The following MIGA2 variants were observed in gnomAD, a reference collection of about 807,000 sequenced individuals.
MIGA2 encodes family with sequence similarity 73, member B.
Under a neutral mutation model 69.9 loss-of-function variants are expected in MIGA2, and 36 were observed. The observed-to-expected ratio is 0.52, with a 90% CI of 0.39 to 0.68. The LOEUF (loss-of-function observed/expected upper bound fraction) is 0.68, where lower values mean the gene tolerates loss of function less well. Among genes scored for constraint, MIGA2 ranks in the 30% least tolerant of loss-of-function variants. MIGA2 has a pLI of 0.00. For missense variants in MIGA2, 660 were observed against 787.7 expected (o/e 0.84, Z 1.94); for synonymous variants, 333 against 349.2 (o/e 0.95, Z 0.52).
chr9:129,050,046 G>C, intron 6 of MIGA2, 83 bp downstream of exon 6: 1 of 1,510,410 alleles, frequency 6.6e-7, no homozygotes. Context: ...TGGGAGGCAG[G>C]CAGTCTCCTG....
rs1208399863 is a variant in MIGA2 at position 129,068,609 on chromosome 9, T to C, written c.1404+277T>C. 1.5e-5 allele frequency: 7 copies of C among 477,136 alleles called. No individual in the cohort carries two copies. Among genetic ancestry groups the C allele is most frequent in the Non-Finnish European group, 1.9e-5 (5 of 264,360 alleles). The allele number at this position is 477,136 out of a possible 1,614,324, so 29.6% of individuals were successfully genotyped here. On this transcript the variant is annotated intron_variant, in intron 13 of 15. Coordinates refer to ENST00000684074, the MANE Select transcript of MIGA2 (RefSeq NM_001329990.2). The surrounding 1 kb of genome is among the most constrained non-coding windows in gnomAD (Gnocchi z 4.1). Reference sequence around the variant, plus strand: ...TGGTATGAATTCGATTCCATTTTAATGCATCCTGTTAAATCAAGTTAAAAG... The same window carrying C: ...TGGTATGAATTCGATTCCATTTTAACGCATCCTGTTAAATCAAGTTAAAAG...
chr9:129,054,184 G>A (rs1845686507), intron 6 of MIGA2, among the ~76,000 whole-genome samples: 1 of 152,136 alleles, frequency 6.6e-6, no homozygotes, highest in East Asian at 1.9e-4. Flanking sequence ...CAGCATGGTG[G>A]CTCATACCTG....
chr9:129,064,876 G>T (rs1350330938), intron 11 of MIGA2, among the ~76,000 whole-genome samples: 1 of 150,676 alleles, frequency 6.6e-6, no homozygotes, highest in Non-Finnish European at 1.5e-5. Flanking sequence ...TCCACCTCCC[G>T]GGTTCAAGCA....
In MIGA2 at chr9:129,069,205, G is replaced by A. The variant is rs533063492; in HGVS notation, c.1458+76G>A. On this transcript the variant is annotated intron_variant, in intron 14 of 15. Transcript: ENST00000684074. The surrounding 1 kb of genome is among the most constrained non-coding windows in gnomAD (Gnocchi z 4.9). ...TGGTGGGGAGCGGAGCGGGTGCAGG[G>A]TGGCTCGCTGGGCCACTTGGCCTTC... The A allele has an allele frequency of 3.2e-5, 51 of 1,585,508 alleles. No homozygotes were observed. Among genetic ancestry groups the A allele is most frequent in the Non-Finnish European group, 4.2e-5 (49 of 1,158,564 alleles).
Position 129,060,093 on chromosome 9 carries a change from T to G in MIGA2, c.794-457T>G, listed in dbSNP as rs1314473336. Among the ~76,000 whole-genome samples, 2 of 152,190 alleles carry G rather than the reference T, an allele frequency of 1.3e-5. No individual in the cohort carries two copies. Among genetic ancestry groups the G allele is most frequent in the African/African-American group, 2.4e-5 (1 of 41,454 alleles). On this transcript the variant is annotated intron_variant, in intron 7 of 15. Transcript: ENST00000684074. The surrounding 1 kb of genome is among the most constrained non-coding windows in gnomAD (Gnocchi z 4.8). ...TTGGAGGTCCACACCCCTCAGCCCT[T>G]GGGCGAGCACGGAGGGGAACTCCAG...
chr9:129,063,520 C>T lies in MIGA2; in HGVS notation c.1084-25C>T, dbSNP rs375432743. On this transcript the variant is annotated intron_variant, in intron 10 of 15. Coordinates refer to ENST00000684074, the MANE Select transcript of MIGA2 (RefSeq NM_001329990.2). ...AGGGACTGCCGTGCCCGGCAGCTCACTCCCCTCCCTTCCTCCTTCCCTAGG... is the reference window on the plus strand; with the variant it reads ...AGGGACTGCCGTGCCCGGCAGCTCATTCCCCTCCCTTCCTCCTTCCCTAGG... 7.0e-5 allele frequency: 113 copies of T among 1,612,944 alleles called. No individual in the cohort carries two copies. In the African/African-American group the frequency reaches 1.4e-3, roughly 20 times the overall value.
At position 129,063,057 on chromosome 9, in the gene MIGA2, G is replaced by A. The variant is rs1451823820; in HGVS notation, c.1011-187G>A. 12 of 610,062 alleles carry A rather than the reference G, an allele frequency of 2.0e-5. No individual in the cohort carries two copies. In the East Asian group the frequency reaches 2.2e-4, roughly 11 times the overall value. 37.8% of individuals were successfully genotyped at this position (610,062 alleles called of 1,614,324 possible). On this transcript the variant is annotated intron_variant, in intron 9 of 15. Coordinates refer to ENST00000684074, the MANE Select transcript of MIGA2 (RefSeq NM_001329990.2). ...CCTCAGAGATCATCCAGGCAGCCTC[G>A]TCCTTTGGCCTGGGAAGACCAAGGC... is the stretch of plus-strand genomic sequence containing the variant.
intron 6 of MIGA2, among the ~76,000 whole-genome samples, chr9:129,052,314 G>A (rs562561140): frequency 1.4e-5 from 2 of 146,466 alleles, no homozygotes; most frequent in African/African-American, 2.5e-5. Flanking sequence ...GTAGAGATGG[G>A]GTTTTACCAT....
intron 6 of MIGA2, among the ~76,000 whole-genome samples, chr9:129,054,628 C>T (rs9696018): frequency 0.19 from 28,633 of 152,186 alleles, 3,850 homozygotes; most frequent in African/African-American, 0.38. Flanking sequence ...TGGCCTTTTG[C>T]GACTGCCTCC....
chr9:129,053,318 A>T (rs1056215440), intron 6 of MIGA2, among the ~76,000 whole-genome samples: 5 of 151,960 alleles, frequency 3.3e-5, no homozygotes, highest in Admixed American at 1.3e-4. Flanking sequence ...TCATCCAGGC[A>T]TCACCACTTT....
chr9:129,042,303 G>T lies in MIGA2; in HGVS notation c.97-1G>T, dbSNP rs770788863. The T allele has an allele frequency of 1.9e-6, 3 of 1,611,994 alleles. No homozygotes were observed. The African/African-American group carries it at 4.0e-5, about 22-fold the overall frequency. ...CCGGCAGCGTCTCCTCTTCCCTGCA[G>T]TCTGCATTCTCCCAGCTACGGTTGA... On this transcript the variant is annotated splice_acceptor_variant, in intron 2 of 15. Coordinates refer to ENST00000684074, the MANE Select transcript of MIGA2 (RefSeq NM_001329990.2). LOFTEE classifies it high-confidence loss of function.
rs1252887967 is a variant in MIGA2, at chr9:129,060,430, G to C, written c.794-120G>C. 2 of 781,172 alleles carry C rather than the reference G, an allele frequency of 2.6e-6. No individual in the cohort carries two copies. Among genetic ancestry groups the C allele is most frequent in the East Asian group, 5.5e-5 (2 of 36,264 alleles). The allele number at this position is 781,172 out of a possible 1,614,324, so 48.4% of individuals were successfully genotyped here. Reference sequence around the variant, plus strand: ...CGTCAGAGCTTTGCCATTGAGTGTGGGAATCACAGGCTCGGGATGAAGCCT... The same window carrying C: ...CGTCAGAGCTTTGCCATTGAGTGTGCGAATCACAGGCTCGGGATGAAGCCT... On this transcript the variant is annotated intron_variant, in intron 7 of 15. Transcript: ENST00000684074. The surrounding 1 kb of genome is among the most constrained non-coding windows in gnomAD (Gnocchi z 4.8).
At position 129,070,227 on chromosome 9, in the gene MIGA2, C is replaced by A; in HGVS notation, c.1576-20C>A. 1 of 1,606,474 alleles carries A rather than the reference C, an allele frequency of 6.2e-7. No homozygotes were observed. The highest frequency in any genetic ancestry group is 8.5e-7 in the Non-Finnish European group (1 of 1,174,874). Reference sequence around the variant, plus strand: ...TGGGCAGTGGCTGGGCCAGGCCTGACACCAGCCCTGCTCCCCCAGCACCAG... The same window carrying A: ...TGGGCAGTGGCTGGGCCAGGCCTGAAACCAGCCCTGCTCCCCCAGCACCAG... On this transcript the variant is annotated intron_variant, in intron 15 of 15. Transcript: ENST00000684074.
At chr9:129,048,612 A>G in intron 4 of MIGA2, 73 bp downstream of exon 4, 2 of 1,173,628 alleles carry the variant, frequency 1.7e-6, no homozygotes, top group Non-Finnish European at 2.6e-6. Context: ...GCCCTCAGCA[A>G]GCTTATAGAC....
In MIGA2 at chr9:129,046,450, CCTGT is replaced by C. The variant is rs952958836; in HGVS notation, c.308-1974_308-1971del. On this transcript the variant is annotated intron_variant, in intron 3 of 15. Coordinates refer to ENST00000684074, the MANE Select transcript of MIGA2 (RefSeq NM_001329990.2). ...ACCAGCCTGGGTGGTATGTGGAGGC[CCTGT>C]CTCTGTTTTTTTTTTTTTTTGGAGA... Among the ~76,000 whole-genome samples the C allele has an allele frequency of 6.7e-4, 102 of 151,810 alleles. 1 individual carries two copies. Among genetic ancestry groups the C allele is most frequent in the African/African-American group, 2.3e-3 (96 of 41,446 alleles).
At chr9:129,041,030 A>C (rs965486914) in intron 2 of MIGA2, among the ~76,000 whole-genome samples, 1 of 152,014 alleles carries the variant, frequency 6.6e-6, no homozygotes, top group African/African-American at 2.4e-5. Flanking sequence ...GTCTCTACTA[A>C]AAATACAAAA....
At chr9:129,037,542 G>A (rs574775726) in intron 1 of MIGA2, among the ~76,000 whole-genome samples, 33 of 152,272 alleles carry the variant, frequency 2.2e-4, no homozygotes, top group Admixed American at 6.5e-4. Flanking sequence ...GTGCCAGGGG[G>A]ACGGACACAG....
chr9:129,063,498 G>T, intron 10 of MIGA2, 47 bp from the exon 11 acceptor site: 2 of 1,604,706 alleles, frequency 1.2e-6, no homozygotes, highest in South Asian at 1.1e-5. Context: ...GGCTTTGAGG[G>T]ACTGCCGTGC....
chr9:129,053,766 G>T (rs960201650), intron 6 of MIGA2, among the ~76,000 whole-genome samples: 5 of 151,934 alleles, frequency 3.3e-5, no homozygotes, highest in Admixed American at 6.6e-5. Context: ...TGGGAGGATT[G>T]TTTGAGCCAG....
Sources: gnomAD v4.1 joint callset for allele counts (sites outside exome capture counted in the v4.1 genomes callset) on GRCh38, gnomAD v4.1.1 for gene constraint, Gnocchi (gnomAD v3.1) non-coding constraint, MANE v1.5 for transcripts, NCBI Gene and HGNC (gene_info 2026-07-23, HGNC 2026-07-21) for gene names.